Variants in RARB observed in about 807,000 individuals in gnomAD.
RARB encodes the protein HBV-activated protein.
Under a neutral mutation model 51.9 loss-of-function variants are expected in RARB, and 17 were observed. That is an observed-to-expected ratio of 0.33 (90% CI 0.22 to 0.49). The LOEUF (loss-of-function observed/expected upper bound fraction) is 0.49. Ranked by LOEUF, RARB falls within the 20% of genes least tolerant of loss-of-function variation. The pLI is 0.99. For missense variants in RARB, 369 were observed against 550.8 expected, an observed-to-expected ratio of 0.67 and a Z score of 3.30; for synonymous variants, 215 against 195.4, an observed-to-expected ratio of 1.10 and a Z score of -0.84.
chr3:24,885,718 G>A (rs1703255059), intron 2 of RARB, among the ~76,000 whole-genome samples: 1 of 152,128 alleles, frequency 6.6e-6, no homozygotes, highest in African/African-American at 2.4e-5. Context: ...AGTATAGATT[G>A]GAGACTTTGG....
chr3:24,839,633 A>G, intron 1 of RARB, among the ~76,000 whole-genome samples: 1 of 140,156 alleles, frequency 7.1e-6, no homozygotes, highest in Non-Finnish European at 1.5e-5. Context: ...TCTTGACCTC[A>G]GGGGCAGAGG....
chr3:25,323,289 G>T (rs574440786), intron 5 of RARB, among the ~76,000 whole-genome samples: 1 of 152,218 alleles, frequency 6.6e-6, no homozygotes, highest in Non-Finnish European at 1.5e-5. Flanking sequence ...CCCAAGGTGG[G>T]AGGAATGGCA....
chr3:25,361,666 GTGGTCATCCTTTT>G (rs1559371720), intron 5 of RARB, among the ~76,000 whole-genome samples: 1 of 151,988 alleles, frequency 6.6e-6, no homozygotes, highest in Non-Finnish European at 1.5e-5. Context: ...GAGTTTTTGC[GTGGTCATCCTTTT>G]TGTTGATGTT....
intron 2 of RARB, among the ~76,000 whole-genome samples, chr3:24,967,116 G>GA (rs374445775): frequency 2.6e-5 from 4 of 152,052 alleles, no homozygotes; most frequent in Admixed American, 1.3e-4. Flanking sequence ...ATATTATCTT[G>GA]AAAAATCAGA....
At position 25,580,687 on chromosome 3, in the gene RARB, A is replaced by G; in HGVS notation, c.751A>G (p.Ile251Val). The G allele has an allele frequency of 6.2e-7, 1 of 1,609,188 alleles. No homozygotes were observed. Among genetic ancestry groups the G allele is most frequent in the South Asian group, 1.1e-5 (1 of 90,728 alleles). Residue 251 changes from isoleucine to valine, a missense_variant, in exon 5 of 8, where the codon ATT becomes GTT. By Grantham distance (29) the Ile-to-Val change is conservative. This residue lies in a region of RARB where 49 missense variants were observed against 103.4 expected (regional missense o/e 0.47). Coordinates refer to ENST00000330688, the MANE Select transcript of RARB (RefSeq NM_000965.5). ...GFTGLTIADQ[I>V]TLLKAACLDI... ...CACTGGCTTGACCATCGCAGACCAAATTACCCTGCTGAAGGCCGCCTGCCT... is the reference window on the plus strand; with the variant it reads ...CACTGGCTTGACCATCGCAGACCAAGTTACCCTGCTGAAGGCCGCCTGCCT...
chr3:25,299,406 C>T (rs986000171), intron 5 of RARB, among the ~76,000 whole-genome samples: 1 of 152,076 alleles, frequency 6.6e-6, no homozygotes, highest in Admixed American at 6.6e-5. Flanking sequence ...CACCATGTTG[C>T]CCAGGCTGGT....
chr3:25,418,019 A>T (rs1265436549), intron 5 of RARB, among the ~76,000 whole-genome samples: 3 of 150,778 alleles, frequency 2.0e-5, no homozygotes, highest in Non-Finnish European at 1.5e-5. Flanking sequence ...GCAGTATTCC[A>T]CTTGGTAGGG....
chr3:24,951,199 C>T (rs1695884278), intron 2 of RARB, among the ~76,000 whole-genome samples: 1 of 152,116 alleles, frequency 6.6e-6, no homozygotes, highest in African/African-American at 2.4e-5. Context: ...CATTTCCAAC[C>T]AGGCTCCAAG....
intron 5 of RARB, among the ~76,000 whole-genome samples, chr3:25,235,769 C>T (rs541000504): frequency 4.9e-4 from 74 of 152,270 alleles, no homozygotes; most frequent in Non-Finnish European, 9.7e-4. Context: ...TGCTATAAAA[C>T]CCCTTCTTTG....
intron 5 of RARB, among the ~76,000 whole-genome samples, chr3:25,368,915 A>C (rs1286870325): frequency 6.6e-6 from 1 of 152,210 alleles, no homozygotes; most frequent in Non-Finnish European, 1.5e-5. Flanking sequence ...GATTACAAGT[A>C]AGGAAGCTGA....
chr3:25,010,837 T>C (rs1697379787), intron 2 of RARB, among the ~76,000 whole-genome samples: 2 of 152,090 alleles, frequency 1.3e-5, no homozygotes, highest in Admixed American at 1.3e-4. Context: ...TCAGAAAATA[T>C]TGCCGTGACT....
intron 5 of RARB, among the ~76,000 whole-genome samples, chr3:25,339,263 T>G (rs1361219829): frequency 6.6e-6 from 1 of 152,198 alleles, no homozygotes; most frequent in African/African-American, 2.4e-5. Flanking sequence ...CCTGAAGGTT[T>G]CTCTGTACAT....
intron 5 of RARB, among the ~76,000 whole-genome samples, chr3:25,191,564 T>C (rs1435899853): frequency 5.3e-5 from 8 of 152,022 alleles, no homozygotes; most frequent in African/African-American, 1.9e-4. Context: ...CCAAAGCACA[T>C]GGGGAAATAA....
chr3:25,083,154 G>T (rs1233845435), intron 3 of RARB, among the ~76,000 whole-genome samples: 1 of 151,160 alleles, frequency 6.6e-6, no homozygotes, highest in Non-Finnish European at 1.5e-5. Context: ...TTTCTGATTG[G>T]GATTCATTCA....
intron 3 of RARB, among the ~76,000 whole-genome samples, chr3:25,101,808 G>T (rs1315312107): frequency 6.6e-6 from 1 of 151,974 alleles, no homozygotes; most frequent in Non-Finnish European, 1.5e-5. Flanking sequence ...CCCACCAAGA[G>T]TGTATGAGGA....
intron 2 of RARB, among the ~76,000 whole-genome samples, chr3:24,917,438 G>A (rs1445185314): frequency 6.6e-6 from 1 of 152,174 alleles, no homozygotes; most frequent in East Asian, 1.9e-4. Context: ...AATAAACAAA[G>A]CACAACTCAG....
intron 2 of RARB, among the ~76,000 whole-genome samples, chr3:24,868,890 C>A (rs1182928160): frequency 6.6e-6 from 1 of 152,120 alleles, no homozygotes; most frequent in Non-Finnish European, 1.5e-5. Context: ...CCAATGTACA[C>A]TTTATATGTA....
intron 3 of RARB, among the ~76,000 whole-genome samples, chr3:25,512,847 G>C (rs1053165163): frequency 2.0e-5 from 3 of 152,126 alleles, no homozygotes; most frequent in Non-Finnish European, 4.4e-5. Flanking sequence ...TGTGTGTATA[G>C]GTGTTGAGAG....
chr3:25,211,593 C>A (rs1701698809), intron 5 of RARB, among the ~76,000 whole-genome samples: 1 of 152,088 alleles, frequency 6.6e-6, no homozygotes, highest in Non-Finnish European at 1.5e-5. Flanking sequence ...GGTTCAACTC[C>A]CCATGATTCA....
Sources: gnomAD v4.1 joint callset for allele counts (sites outside exome capture counted in the v4.1 genomes callset) on GRCh38, gnomAD v4.1.1 for gene constraint, gnomAD v4.1.1 regional missense constraint, MANE v1.5 for transcripts, NCBI Gene and HGNC (gene_info 2026-07-23, HGNC 2026-07-21) for gene names.